The following CLHC1 variants were observed in gnomAD, a reference collection of about 807,000 sequenced individuals.
CLHC1 encodes clathrin heavy chain linker domain-containing protein 1.
A neutral mutation model predicts 69.5 loss-of-function variants in CLHC1; 72 were observed. The observed-to-expected ratio is 1.04, with a 90% confidence interval of 0.86 to 1.26. CLHC1 has a LOEUF of 1.26. CLHC1 is among the 50% of genes most tolerant of loss of function. The pLI, the probability that CLHC1 is intolerant of heterozygous loss-of-function variation, is 0.00. For synonymous variants in CLHC1, 223 were observed against 224.3 expected (o/e 0.99, Z 0.05); for missense variants, 790 against 679.3 (o/e 1.16, Z -1.81).
At chr2:55,224,483 A>T in intron 2 of CLHC1, 1 of 381,122 alleles carries the variant, frequency 2.6e-6, no homozygotes, top group Non-Finnish European at 5.4e-6. Context: ...CAGTTTGTGC[A>T]GCAGGCTGTG....
At position 55,190,888 on chromosome 2, in the gene CLHC1, G is replaced by C. The variant is rs560579169; in HGVS notation, c.1007-9144C>G. 2.0e-5 allele frequency among the ~76,000 whole-genome samples: 3 copies of C among 151,952 alleles called. No homozygotes were observed. In the South Asian group the frequency reaches 6.2e-4, roughly 32 times the overall value. Reference sequence around the variant, plus strand: ...ATCCAAGAATCTCAATGGACTCCAAGCATAAGAAGCATGAAAATAAAACTA... The same window carrying C: ...ATCCAAGAATCTCAATGGACTCCAACCATAAGAAGCATGAAAATAAAACTA... On this transcript the variant is annotated intron_variant, in intron 9 of 12. Transcript: ENST00000401408.
intron 4 of CLHC1, among the ~76,000 whole-genome samples, chr2:55,213,731 C>G (rs1368660183): frequency 6.6e-6 from 1 of 152,180 alleles, no homozygotes; most frequent in East Asian, 1.9e-4. Flanking sequence ...AAAATACACA[C>G]AGAAAAATTA....
In CLHC1 at chr2:55,212,664, A is replaced by G. The variant is rs113381792; in HGVS notation, c.499+9T>C. 6.1e-5 allele frequency: 97 copies of G among 1,583,110 alleles called. No homozygotes were observed. The African/African-American group carries it at 9.7e-4, about 16-fold the overall frequency. ...ATTTCTCTCAAATATTTTAAACAAAATACAATACCTGGAATAGGTTTTGAA... is the reference window on the plus strand; with the variant it reads ...ATTTCTCTCAAATATTTTAAACAAAGTACAATACCTGGAATAGGTTTTGAA... On this transcript the variant is annotated intron_variant, in intron 5 of 12. Coordinates refer to ENST00000401408, the MANE Select transcript of CLHC1 (RefSeq NM_152385.4).
intron 9 of CLHC1, among the ~76,000 whole-genome samples, chr2:55,192,119 CTGT>C (rs141321889): frequency 2.6e-5 from 4 of 151,960 alleles, no homozygotes; most frequent in South Asian, 2.1e-4. Flanking sequence ...GTTGTTGTTG[CTGT>C]TGTTGTTGTT....
At chr2:55,186,200 A>T (rs1022950526) in intron 9 of CLHC1, among the ~76,000 whole-genome samples, 23 of 152,218 alleles carry the variant, frequency 1.5e-4, no homozygotes, top group Admixed American at 1.1e-3. Flanking sequence ...ATTAACAAAG[A>T]TCAGCTTCAG....
chr2:55,222,029 A>G lies in CLHC1; in HGVS notation c.177+206T>C, dbSNP rs548251338. On this transcript the variant is annotated intron_variant, in intron 3 of 12. Coordinates refer to ENST00000401408, the MANE Select transcript of CLHC1 (RefSeq NM_152385.4). ...TCTGCTCTCAAGCTAAAATAACTGA[A>G]ACACTCATTCACAGTCAGGAAATAC... 1.2e-4 allele frequency among the ~76,000 whole-genome samples: 18 copies of G among 152,306 alleles called. 1 individual carries two copies. The South Asian group carries it at 3.1e-3, about 26-fold the overall frequency.
chr2:55,201,455 C>CA (rs1385107014), intron 9 of CLHC1, among the ~76,000 whole-genome samples: 1 of 152,008 alleles, frequency 6.6e-6, no homozygotes, highest in Non-Finnish European at 1.5e-5. Context: ...TACAACCCAC[C>CA]AATATTGAAC....
intron 2 of CLHC1, among the ~76,000 whole-genome samples, chr2:55,227,470 G>A (rs952713594): frequency 6.6e-6 from 1 of 152,038 alleles, no homozygotes; most frequent in African/African-American, 2.4e-5. Context: ...ACGAGATCAG[G>A]AGTTCAAGAC....
chr2:55,208,887 T>C (rs1573711628), intron 7 of CLHC1, among the ~76,000 whole-genome samples, 177 bp from the exon 8 acceptor site: 1 of 96,046 alleles, frequency 1.0e-5, no homozygotes, highest in African/African-American at 3.7e-5. Flanking sequence ...TTTTTTTTTT[T>C]TGAGACGGAG....
chr2:55,203,384 G>A (rs912936148), intron 9 of CLHC1, among the ~76,000 whole-genome samples: 1 of 152,084 alleles, frequency 6.6e-6, no homozygotes, highest in Non-Finnish European at 1.5e-5. Flanking sequence ...CAAAACTGGA[G>A]GAATCACATT....
At chr2:55,200,454 A>G (rs1005119547) in intron 9 of CLHC1, among the ~76,000 whole-genome samples, 1 of 152,202 alleles carries the variant, frequency 6.6e-6, no homozygotes, top group African/African-American at 2.4e-5. Context: ...ATAATGATAA[A>G]GGGGTCAATT....
chr2:55,204,258 T>C (rs1339651737), intron 9 of CLHC1, among the ~76,000 whole-genome samples: 3 of 152,134 alleles, frequency 2.0e-5, no homozygotes, highest in African/African-American at 7.2e-5. Context: ...CATTCCAGCC[T>C]GGGCAACAAG....
At chr2:55,189,708 G>A (rs935403998) in intron 9 of CLHC1, among the ~76,000 whole-genome samples, 8 of 152,180 alleles carry the variant, frequency 5.3e-5, no homozygotes, top group South Asian at 2.1e-4. Flanking sequence ...TCTGTACAGC[G>A]TTCCCCACAG....
intron 9 of CLHC1, among the ~76,000 whole-genome samples, chr2:55,186,237 G>C (rs1670401333): frequency 6.6e-6 from 1 of 152,182 alleles, no homozygotes; most frequent in South Asian, 2.1e-4. Context: ...AGACCAGGCA[G>C]AGACAAACAT....
At chr2:55,215,344 T>C (rs1166364523) in intron 4 of CLHC1, among the ~76,000 whole-genome samples, 1 of 152,232 alleles carries the variant, frequency 6.6e-6, no homozygotes, top group East Asian at 1.9e-4. Context: ...ATTCTCTTCA[T>C]TGTAGAGCTG....
chr2:55,188,950 A>C (rs1670671508), intron 9 of CLHC1, among the ~76,000 whole-genome samples: 2 of 152,218 alleles, frequency 1.3e-5, no homozygotes, highest in African/African-American at 4.8e-5. Flanking sequence ...ATCTCAGTAA[A>C]TATAAAAGAC....
At chr2:55,186,948 G>T (rs1168073300) in intron 9 of CLHC1, among the ~76,000 whole-genome samples, 2 of 151,922 alleles carry the variant, frequency 1.3e-5, no homozygotes, top group African/African-American at 4.8e-5. Flanking sequence ...TACATAAATA[G>T]TACTAGAACA....
chr2:55,179,471 C>T (rs1669709075), intron 11 of CLHC1, among the ~76,000 whole-genome samples: 1 of 152,128 alleles, frequency 6.6e-6, no homozygotes, highest in Non-Finnish European at 1.5e-5. Context: ...AAAACAACAA[C>T]ATAGATTCTA....
At position 55,175,881 on chromosome 2, in the gene CLHC1, T is replaced by C; in HGVS notation, c.1670A>G (p.Asp557Gly). Residue 557 changes from aspartate (D) to glycine (G), a missense_variant, in exon 13 of 13, where the codon GAC becomes GGC. Transcript: ENST00000401408. ...SQNGFDKLSNDITSILRSQAA... is the reference protein window; with the variant it reads ...SQNGFDKLSNGITSILRSQAA... ...CTGAGATCGAAGAATAGACGTGATG[T>C]CATTAGATAATTTGTCAAAGCCATT... 1 of 1,614,038 alleles carries C rather than the reference T, an allele frequency of 6.2e-7. No individual in the cohort carries two copies. Among genetic ancestry groups the C allele is most frequent in the Non-Finnish European group, 8.5e-7 (1 of 1,179,922 alleles).
Sources: gnomAD v4.1 joint callset for allele counts (sites outside exome capture counted in the v4.1 genomes callset) on GRCh38, gnomAD v4.1.1 for gene constraint, MANE v1.5 for transcripts, NCBI Gene and HGNC (gene_info 2026-07-23, HGNC 2026-07-21) for gene names.